SULF1: variants seen among roughly 807,000 people sequenced by gnomAD.
SULF1 encodes the protein extracellular sulfatase Sulf-1.
SULF1 carries 46 observed loss-of-function variants against 110.5 expected under a neutral mutation model. The observed-to-expected ratio is 0.42, with a 90% CI of 0.33 to 0.53. The LOEUF is 0.53. Among genes scored for constraint, SULF1 ranks in the 20% least tolerant of loss-of-function variants. SULF1 has a pLI of 0.12. For missense variants in SULF1, 941 were observed against 1,094.2 expected (o/e 0.86, Z 1.98); for synonymous variants, 371 against 387.1 (o/e 0.96, Z 0.49).
At chr8:69,473,002 A>AT (rs1232956412) in intron 1 of SULF1, among the ~76,000 whole-genome samples, 1 of 151,926 alleles carries the variant, frequency 6.6e-6, no homozygotes, top group Non-Finnish European at 1.5e-5. Context: ...ATACCCAGCT[A>AT]TTTTTTATTT....
chr8:69,557,034 T>C (rs1002061760), intron 3 of SULF1, among the ~76,000 whole-genome samples: 6 of 152,238 alleles, frequency 3.9e-5, no homozygotes, highest in Non-Finnish European at 7.3e-5. Context: ...TGGTTTTCTG[T>C]TCCTACGTTA....
intron 14 of SULF1, among the ~76,000 whole-genome samples, chr8:69,621,880 G>A (rs917200645): frequency 2.6e-5 from 4 of 152,184 alleles, no homozygotes; most frequent in Admixed American, 6.5e-5. Flanking sequence ...CACCCTCCAC[G>A]AAAGAATGAA....
chr8:69,588,117 A>C (rs1806601344), intron 7 of SULF1, among the ~76,000 whole-genome samples: 1 of 152,234 alleles, frequency 6.6e-6, no homozygotes. Flanking sequence ...CTGGAGCTCC[A>C]AGCCAATGAC....
chr8:69,572,985 G>T (rs1805346161), intron 5 of SULF1, among the ~76,000 whole-genome samples: 2 of 152,156 alleles, frequency 1.3e-5, no homozygotes, highest in Non-Finnish European at 2.9e-5. Flanking sequence ...ATGCCATCAT[G>T]CTGGCTAAGT....
chr8:69,596,093 G>A (rs998424079), intron 8 of SULF1, among the ~76,000 whole-genome samples: 2 of 152,208 alleles, frequency 1.3e-5, no homozygotes, highest in African/African-American at 4.8e-5. Flanking sequence ...AGCGCACTGA[G>A]CAATAAATCC....
chr8:69,481,389 T>G (rs1809516690), intron 1 of SULF1, among the ~76,000 whole-genome samples: 4 of 152,178 alleles, frequency 2.6e-5, no homozygotes, highest in Admixed American at 2.6e-4. Flanking sequence ...GAAAAAGGGA[T>G]TCTATGAAAG....
intron 22 of SULF1, among the ~76,000 whole-genome samples, chr8:69,645,220 T>A (rs1811803667): frequency 6.6e-6 from 1 of 151,984 alleles, no homozygotes; most frequent in South Asian, 2.1e-4. Context: ...CCTGGTAAGG[T>A]TAAGGTCAGA....
intron 22 of SULF1, among the ~76,000 whole-genome samples, chr8:69,649,418 A>C (rs1372667178): frequency 6.6e-6 from 1 of 152,232 alleles, no homozygotes; most frequent in Non-Finnish European, 1.5e-5. Context: ...AAAATCAAGC[A>C]ATTTAACATT....
chr8:69,591,833 T>C (rs1468175008), intron 8 of SULF1, among the ~76,000 whole-genome samples: 1 of 152,188 alleles, frequency 6.6e-6, no homozygotes, highest in East Asian at 1.9e-4. Context: ...GCTCATTCAT[T>C]TATGTATTGT....
At position 69,660,502 on chromosome 8, in the gene SULF1, G is replaced by T. The variant is rs1813035374; in HGVS notation, c.*1967G>T. 1 of 152,456 alleles carries T rather than the reference G, an allele frequency of 6.6e-6. No homozygotes were observed. Among genetic ancestry groups the T allele is most frequent in the African/African-American group, 2.4e-5 (1 of 41,376 alleles). 9.4% of individuals were successfully genotyped at this position (152,456 alleles called of 1,614,324 possible). ...TGAGTCATCAGTACCCTCCTATTCAGCTCCCCAAGATGATGTGTTTTTGCT... is the reference window on the plus strand; with the variant it reads ...TGAGTCATCAGTACCCTCCTATTCATCTCCCCAAGATGATGTGTTTTTGCT... On this transcript the variant is annotated 3_prime_UTR_variant, in exon 23 of 23. Coordinates refer to ENST00000402687, the MANE Select transcript of SULF1 (RefSeq NM_001128205.2).
chr8:69,658,851 G>A lies in SULF1; in HGVS notation c.*316G>A, dbSNP rs1317362221. On this transcript the variant is annotated 3_prime_UTR_variant, in exon 23 of 23. Transcript: ENST00000402687. ...TTGGGAAAACACCTCATTTGACCTT[G>A]CCAGCTGACCTTCAAACCCTGCATT... 3 of 551,790 alleles carry A rather than the reference G, an allele frequency of 5.4e-6. No homozygotes were observed. The highest frequency in any genetic ancestry group is 3.1e-5 in the South Asian group (2 of 65,442). 34.2% of individuals were successfully genotyped at this position (551,790 alleles called of 1,614,324 possible).
intron 6 of SULF1, 81 bp downstream of exon 6, chr8:69,576,290 T>G: frequency 6.7e-7 from 1 of 1,496,112 alleles, no homozygotes. Flanking sequence ...ATGAAATGCA[T>G]GAAGTTCCAA....
intron 3 of SULF1, among the ~76,000 whole-genome samples, chr8:69,511,996 CT>C (rs926495099): frequency 1.7e-4 from 26 of 151,976 alleles, no homozygotes; most frequent in Admixed American, 8.5e-4. Flanking sequence ...AATAAAATTC[CT>C]AGAGAATGAT....
intron 3 of SULF1, among the ~76,000 whole-genome samples, chr8:69,548,352 A>G (rs75971228): frequency 0.037 from 5,680 of 152,216 alleles, 334 homozygotes; most frequent in African/African-American, 0.13. Flanking sequence ...AACAATGTTG[A>G]TCTGGTGTCA....
intron 1 of SULF1, among the ~76,000 whole-genome samples, chr8:69,476,701 C>T (rs559849703): frequency 2.0e-4 from 31 of 152,334 alleles, no homozygotes; most frequent in African/African-American, 7.2e-4. Flanking sequence ...CTGGAAGAAA[C>T]GCCAGCCTAA....
intron 18 of SULF1, 21 bp from the exon 19 acceptor site, chr8:69,629,483 T>C (rs745359592): frequency 1.3e-6 from 2 of 1,598,082 alleles, no homozygotes; most frequent in South Asian, 2.3e-5. Flanking sequence ...ACACTCAAAA[T>C]AATCCCTTCT....
At chr8:69,629,733 C>T in intron 19 of SULF1, 54 bp downstream of exon 19, 3 of 1,433,562 alleles carry the variant, frequency 2.1e-6, no homozygotes, top group Non-Finnish European at 1.9e-6. Context: ...GACAGCGACT[C>T]ATAACTTAGA....
intron 3 of SULF1, among the ~76,000 whole-genome samples, chr8:69,544,257 TTTTG>T (rs1384254409): frequency 3.4e-5 from 5 of 147,384 alleles, no homozygotes; most frequent in Non-Finnish European, 7.4e-5. Flanking sequence ...AAATGTTTTT[TTTTG>T]TTTGTTTTTT....
chr8:69,542,351 A>G (rs1813911741), intron 3 of SULF1, among the ~76,000 whole-genome samples: 1 of 152,204 alleles, frequency 6.6e-6, no homozygotes. Context: ...AACTGGCTTC[A>G]GTGAAAATAT....
Sources: allele counts gnomAD v4.1 joint callset (sites outside exome capture counted in the v4.1 genomes callset), GRCh38; gene constraint gnomAD v4.1.1; transcripts MANE v1.5; gene names NCBI Gene and HGNC (gene_info 2026-07-23, HGNC 2026-07-21).